TRIM9: variants seen among roughly 807,000 people sequenced by gnomAD.
TRIM9 encodes tripartite motif containing 9.
In TRIM9, 26 loss-of-function variants were observed where a neutral mutation model predicts 78.3. The observed-to-expected ratio is 0.33, with a 90% confidence interval of 0.24 to 0.46. The LOEUF (loss-of-function observed/expected upper bound fraction) is 0.46, where lower values mean the gene tolerates loss of function less well. Among genes scored for constraint, TRIM9 ranks in the 20% least tolerant of loss-of-function variants. The probability of loss-of-function intolerance (pLI) is 1.00; values close to 1 mark genes in which losing one functional copy is unlikely to be tolerated. For synonymous variants in TRIM9, 398 were observed against 416.5 expected (o/e 0.96, Z 0.54); for missense variants, 787 against 1,036.4 (o/e 0.76, Z 3.30).
At chr14:51,051,919 T>C (rs888966176) in intron 1 of TRIM9, among the ~76,000 whole-genome samples, 1 of 151,040 alleles carries the variant, frequency 6.6e-6, no homozygotes, top group African/African-American at 2.4e-5. Flanking sequence ...GTGAGCCGAG[T>C]TTATGCCACT....
At chr14:51,085,994 C>T (rs2063717174) in intron 1 of TRIM9, among the ~76,000 whole-genome samples, 1 of 152,192 alleles carries the variant, frequency 6.6e-6, no homozygotes, top group Non-Finnish European at 1.5e-5. Flanking sequence ...ATTCAACATA[C>T]TTGTCACCTC....
At chr14:51,019,918 G>A (rs577668037) in intron 3 of TRIM9, among the ~76,000 whole-genome samples, 1 of 152,280 alleles carries the variant, frequency 6.6e-6, no homozygotes, top group South Asian at 2.1e-4. Context: ...TATTAAATCT[G>A]TTCAAGCAAT....
At chr14:51,052,395 T>A (rs2060505092) in intron 1 of TRIM9, among the ~76,000 whole-genome samples, 1 of 152,202 alleles carries the variant, frequency 6.6e-6, no homozygotes, top group South Asian at 2.1e-4. Flanking sequence ...TCCTATTGTA[T>A]ATCTGTAGGA....
At chr14:51,078,987 ACAT>A (rs1359204320) in intron 1 of TRIM9, among the ~76,000 whole-genome samples, 2 of 152,204 alleles carry the variant, frequency 1.3e-5, no homozygotes, top group Non-Finnish European at 2.9e-5. Flanking sequence ...GTATCCCATA[ACAT>A]CATGTTGTAA....
At chr14:51,023,403 T>C (rs1451665018) in intron 2 of TRIM9, among the ~76,000 whole-genome samples, 1 of 152,184 alleles carries the variant, frequency 6.6e-6, no homozygotes, top group Non-Finnish European at 1.5e-5. Flanking sequence ...GTCTTCAATA[T>C]TAACAATAAT....
chr14:50,984,917 A>G, intron 8 of TRIM9, among the ~76,000 whole-genome samples: 1 of 152,350 alleles, frequency 6.6e-6, no homozygotes, highest in East Asian at 1.9e-4. Flanking sequence ...ACAATAAGAA[A>G]CATAAAAGCA....
chr14:51,020,408 A>ATAAGAAG (rs2057645453), intron 3 of TRIM9, among the ~76,000 whole-genome samples: 1 of 152,128 alleles, frequency 6.6e-6, no homozygotes, highest in Non-Finnish European at 1.5e-5. Context: ...TAGAAGACAG[A>ATAAGAAG]ACAGCTTTGC....
intron 1 of TRIM9, among the ~76,000 whole-genome samples, 191 bp downstream of exon 1, chr14:51,093,927 C>G (rs755586885): frequency 6.6e-6 from 1 of 152,254 alleles, no homozygotes; most frequent in East Asian, 1.9e-4. Flanking sequence ...TGGGGGCATT[C>G]AACTCCCCCG....
chr14:51,004,717 A>G (rs1005260914), intron 5 of TRIM9, among the ~76,000 whole-genome samples: 2 of 152,218 alleles, frequency 1.3e-5, no homozygotes, highest in African/African-American at 4.8e-5. Context: ...ATGGAAACAC[A>G]GTAAGGTTTT....
chr14:51,015,417 C>CTCCA (rs1294609263), intron 3 of TRIM9, among the ~76,000 whole-genome samples: 2 of 151,972 alleles, frequency 1.3e-5, no homozygotes, highest in African/African-American at 4.8e-5. Flanking sequence ...CTTCCCCCAC[C>CTCCA]TCCATTTACC....
chr14:50,982,165 A>G (rs2052015969), intron 10 of TRIM9, 62 bp from the exon 11 acceptor site: 7 of 1,576,864 alleles, frequency 4.4e-6, no homozygotes, highest in Non-Finnish European at 6.1e-6. Context: ...GCACCATAAC[A>G]TACTCCTGGG....
intron 5 of TRIM9, among the ~76,000 whole-genome samples, chr14:51,006,225 T>A (rs1354978031): frequency 6.6e-6 from 1 of 152,240 alleles, no homozygotes; most frequent in Non-Finnish European, 1.5e-5. Context: ...ACATATTGGA[T>A]TACATGTATT....
chr14:50,999,441 G>T (rs928245145), intron 6 of TRIM9, among the ~76,000 whole-genome samples: 1 of 152,060 alleles, frequency 6.6e-6, no homozygotes, highest in African/African-American at 2.4e-5. Flanking sequence ...TGGAAAGAAA[G>T]AAATTAGATT....
intron 1 of TRIM9, among the ~76,000 whole-genome samples, chr14:51,093,658 A>C (rs1217441174): frequency 6.6e-6 from 1 of 152,144 alleles, no homozygotes; most frequent in Non-Finnish European, 1.5e-5. Flanking sequence ...CCTATCCAGC[A>C]GCGACAGACT....
intron 7 of TRIM9, among the ~76,000 whole-genome samples, chr14:50,994,400 T>C (rs554741769): frequency 5.5e-4 from 84 of 152,124 alleles, no homozygotes; most frequent in Non-Finnish European, 1.1e-3. Context: ...GAGTGTGACC[T>C]TGTCTCAAAA....
At chr14:51,030,586 GGT>G (rs34926668) in intron 1 of TRIM9, among the ~76,000 whole-genome samples, 15 of 151,974 alleles carry the variant, frequency 9.9e-5, no homozygotes, top group South Asian at 2.1e-4. Context: ...GTGTGCATAT[GGT>G]GTGTGTGTGT....
chr14:51,025,426 C>T lies in TRIM9; in HGVS notation c.823-66G>A, dbSNP rs535678302. The T allele has an allele frequency of 2.7e-3, 411 of 153,816 alleles. 2 individuals are homozygous for T. The African/African-American group carries it at 0.036, about 14-fold the overall frequency. 9.5% of individuals were successfully genotyped at this position (153,816 alleles called of 1,614,324 possible). On this transcript the variant is annotated intron_variant, in intron 1 of 12. Coordinates refer to ENST00000684578, the MANE Select transcript of TRIM9 (RefSeq NM_001387360.1). The stretch of plus-strand genomic sequence containing the variant: ...GGATACACCAACAAGGCCAGCGAGA[C>T]TCAAAACTGAAGAGTCATCAACCTC...
At chr14:50,989,417 T>C (rs1045749570) in intron 7 of TRIM9, among the ~76,000 whole-genome samples, 1 of 152,240 alleles carries the variant, frequency 6.6e-6, no homozygotes, top group Non-Finnish European at 1.5e-5. Flanking sequence ...AGAAGGCTTC[T>C]CAGCCATTCA....
intron 1 of TRIM9, among the ~76,000 whole-genome samples, chr14:51,076,442 C>T (rs936877935): frequency 1.3e-5 from 2 of 152,208 alleles, no homozygotes; most frequent in Non-Finnish European, 2.9e-5. Flanking sequence ...GAGGGACCCA[C>T]ATGTGAGGGG....
Sources: allele counts gnomAD v4.1 joint callset (sites outside exome capture counted in the v4.1 genomes callset), GRCh38; gene constraint gnomAD v4.1.1; transcripts MANE v1.5; gene names NCBI Gene and HGNC (gene_info 2026-07-23, HGNC 2026-07-21).